Variants in COL18A1 observed in about 807,000 individuals in gnomAD.
The protein encoded by COL18A1 is collagen type XVIII alpha 1 chain.
Under a neutral mutation model 168.0 loss-of-function variants are expected in COL18A1, and 133 were observed. That is an observed-to-expected ratio of 0.79 (90% CI 0.69 to 0.91). The LOEUF is 0.91. Ranked by LOEUF, COL18A1 falls within the 40% of genes least tolerant of loss-of-function variation. The pLI is 0.00. For missense variants in COL18A1, 2,126 were observed against 1,925.4 expected (o/e 1.10, Z -1.95); for synonymous variants, 949 against 809.0 (o/e 1.17, Z -2.94).
chr21:45,441,306 G>C (rs1226734841), intron 2 of COL18A1, among the ~76,000 whole-genome samples: 2 of 152,322 alleles, frequency 1.3e-5, no homozygotes, highest in South Asian at 2.1e-4. Flanking sequence ...TTTTGGTTCT[G>C]TACTGGGAGA....
intron 2 of COL18A1, among the ~76,000 whole-genome samples, chr21:45,459,470 G>A (rs943714562): frequency 1.2e-4 from 19 of 152,230 alleles, no homozygotes; most frequent in African/African-American, 4.3e-4. Flanking sequence ...GAGGGGTCCT[G>A]CTGCCTCCTG....
intron 20 of COL18A1, 65 bp downstream of exon 20, chr21:45,490,411 A>G: frequency 7.9e-7 from 1 of 1,259,928 alleles, no homozygotes; most frequent in Non-Finnish European, 1.1e-6. Context: ...CTATGCTAAG[A>G]TGAAAGCTGG....
intron 2 of COL18A1, among the ~76,000 whole-genome samples, chr21:45,428,008 C>A (rs2033855666): frequency 6.6e-6 from 1 of 152,218 alleles, no homozygotes. Flanking sequence ...CCTCCTGGGT[C>A]ACAGCCAACG....
rs145340977 is a variant in COL18A1 at position 45,475,596 on chromosome 21, G to A, written c.798+61G>A. On this transcript the variant is annotated intron_variant, in intron 5 of 41. Coordinates refer to ENST00000651438, the MANE Select transcript of COL18A1 (RefSeq NM_001379500.1). ...GGTCCCGGGAGAGCCCCTCCCAGCA[G>A]TGGGGTGACACATGTGCACACGCAG... is the stretch of plus-strand genomic sequence containing the variant. 7,636 of 1,417,276 alleles carry A rather than the reference G, an allele frequency of 5.4e-3. 57 individuals carry two copies. The highest frequency in any genetic ancestry group is 0.014 in the South Asian group (1,183 of 82,818). The allele number at this position is 1,417,276 out of a possible 1,614,324, so 87.8% of individuals were successfully genotyped here.
At chr21:45,493,258 T>A in intron 25 of COL18A1, 33 bp downstream of exon 25, 2 of 1,549,800 alleles carry the variant, frequency 1.3e-6, no homozygotes, top group South Asian at 1.2e-5. Flanking sequence ...CTCAACCCCC[T>A]TTGTGACCCA....
rs969256451 is a variant in COL18A1, at chr21:45,477,652, G to A, written c.1006-98G>A. 8.2e-6 allele frequency: 11 copies of A among 1,348,146 alleles called. No homozygotes were observed. The African/African-American group carries it at 1.4e-4, about 18-fold the overall frequency. The allele number at this position is 1,348,146 out of a possible 1,614,324, so 83.5% of individuals were successfully genotyped here. ...CCACCCTGCGTGTCCACTGTGGGAA[G>A]CAGCCCAGCCTGGGACTCTGGAGGG... On this transcript the variant is annotated intron_variant, in intron 7 of 41. Coordinates refer to ENST00000651438, the MANE Select transcript of COL18A1 (RefSeq NM_001379500.1).
chr21:45,458,265 C>T (rs368759980), intron 2 of COL18A1, among the ~76,000 whole-genome samples: 126 of 148,902 alleles, frequency 8.5e-4, no homozygotes, highest in Non-Finnish European at 1.4e-3. Context: ...GCCGTGCCCG[C>T]GGCTGTTGGC....
chr21:45,455,190 A>G (rs924423622), intron 2 of COL18A1, among the ~76,000 whole-genome samples: 2 of 152,186 alleles, frequency 1.3e-5, no homozygotes, highest in African/African-American at 2.4e-5. Flanking sequence ...TGGAGCCCCA[A>G]TCCAGAGACT....
chr21:45,510,439 G>T (rs1489171738), intron 40 of COL18A1, among the ~76,000 whole-genome samples, 178 bp downstream of exon 40: 1 of 152,158 alleles, frequency 6.6e-6, no homozygotes, highest in African/African-American at 2.4e-5. Context: ...CCAGGCTCAG[G>T]CCAGGCCTCT....
intron 2 of COL18A1, chr21:45,421,301 G>T: frequency 2.4e-6 from 1 of 417,882 alleles, no homozygotes. Context: ...GCTGGACATG[G>T]GAGGAGGGCC....
rs1346724423 is a variant in COL18A1 at position 45,463,829 on chromosome 21, G to A, written c.107-4413G>A. On this transcript the variant is annotated intron_variant, in intron 2 of 41. Transcript: ENST00000651438. The surrounding 1 kb of genome is among the most constrained non-coding windows in gnomAD (Gnocchi z 4.0). The stretch of plus-strand genomic sequence containing the variant: ...GGAGAACTGCTTGAACCTGGGAGGT[G>A]GAGGTTGTGGTGAGCTGAGATTGCA... Among the ~76,000 whole-genome samples the A allele has an allele frequency of 6.6e-6, 1 of 152,064 alleles. No individual in the cohort carries two copies. Among genetic ancestry groups the A allele is most frequent in the Non-Finnish European group, 1.5e-5 (1 of 68,012 alleles).
At chr21:45,405,290 GCGGGGGTCGCGGGGGTCGCGGGGCTCGGC>G in intron 1 of COL18A1, 49 bp downstream of exon 1, 1 of 800,578 alleles carries the variant, frequency 1.2e-6, no homozygotes, top group Non-Finnish European at 1.6e-6. Context: ...AGATGCGGCT[GCGGGGGTCGCGGGGGTCGCGGGGCTCGGC>G]CGGGTCCTGC....
At chr21:45,431,727 G>A (rs567889203) in intron 2 of COL18A1, among the ~76,000 whole-genome samples, 1 of 152,102 alleles carries the variant, frequency 6.6e-6, no homozygotes, top group East Asian at 1.9e-4. Flanking sequence ...GGCTCTCTGC[G>A]GCTCTCGGTG....
intron 30 of COL18A1, 67 bp from the exon 31 acceptor site, chr21:45,496,983 C>T (rs549820992): frequency 3.3e-5 from 36 of 1,090,414 alleles, no homozygotes; most frequent in Non-Finnish European, 4.2e-5. Flanking sequence ...CTTGGGGACC[C>T]CTGAGTGGTG....
intron 2 of COL18A1, among the ~76,000 whole-genome samples, chr21:45,438,094 ACT>A (rs1287660512): frequency 2.4e-4 from 21 of 89,284 alleles, no homozygotes; most frequent in South Asian, 7.3e-4. Context: ...TCCTGCACAC[ACT>A]CACACTCACA....
chr21:45,426,454 C>G (rs116160254), intron 2 of COL18A1, among the ~76,000 whole-genome samples: 4,569 of 152,248 alleles, frequency 0.03, 204 homozygotes, highest in African/African-American at 0.096. Context: ...GGCGAGGCTG[C>G]GCTTGCTCTC....
At position 45,432,945 on chromosome 21, in the gene COL18A1, C is replaced by T. The variant is rs570791870; in HGVS notation, c.106+27472C>T. 3.3e-5 allele frequency among the ~76,000 whole-genome samples: 5 copies of T among 152,354 alleles called. 1 individual carries two copies. The South Asian group carries it at 1.0e-3, about 32-fold the overall frequency. On this transcript the variant is annotated intron_variant, in intron 2 of 41. Coordinates refer to ENST00000651438, the MANE Select transcript of COL18A1 (RefSeq NM_001379500.1). ...TCCGGCAGAGTTATGCCAAATGTCC[C>T]ACTAAATTCACCCCTCTAGGGAGAG... is the stretch of plus-strand genomic sequence containing the variant.
chr21:45,431,639 G>C (rs1029389380), intron 2 of COL18A1, among the ~76,000 whole-genome samples: 1 of 151,918 alleles, frequency 6.6e-6, no homozygotes, highest in African/African-American at 2.4e-5. Flanking sequence ...CATTCTGACC[G>C]ATTCCTGGAA....
intron 32 of COL18A1, among the ~76,000 whole-genome samples, chr21:45,503,672 A>G (rs1335646194): frequency 6.7e-6 from 1 of 150,226 alleles, no homozygotes; most frequent in East Asian, 2.0e-4. Context: ...GCATTGGGAG[A>G]TATACCTAAT....
Sources: allele counts gnomAD v4.1 joint callset (sites outside exome capture counted in the v4.1 genomes callset), GRCh38; gene constraint gnomAD v4.1.1; non-coding constraint Gnocchi (gnomAD v3.1); transcripts MANE v1.5; gene names NCBI Gene and HGNC (gene_info 2026-07-23, HGNC 2026-07-21).